The following NEK10 variants were observed in gnomAD, a reference collection of about 807,000 sequenced individuals.
NEK10 encodes the protein NIMA related kinase 10, also known as serine/threonine-protein kinase Nek10.
In NEK10, 122 loss-of-function variants were observed where a neutral mutation model predicts 159.8. The observed-to-expected ratio is 0.76, with a 90% CI of 0.66 to 0.89. The LOEUF is 0.89. Ranked by LOEUF, NEK10 falls within the 40% of genes least tolerant of loss-of-function variation. The pLI, the probability that NEK10 is intolerant of heterozygous loss-of-function variation, is 0.00. For synonymous variants in NEK10, 466 were observed against 457.1 expected (o/e 1.02, Z -0.25); for missense variants, 1,342 against 1,323.1 (o/e 1.01, Z -0.22).
intron 25 of NEK10, among the ~76,000 whole-genome samples, chr3:27,195,944 C>A (rs62255257): frequency 0.23 from 34,537 of 152,026 alleles, 4,253 homozygotes; most frequent in Middle Eastern, 0.38. Context: ...GGGTCAGAAG[C>A]ACTATCTTAT....
intron 23 of NEK10, among the ~76,000 whole-genome samples, chr3:27,234,037 T>G (rs1288759586): frequency 3.3e-5 from 5 of 152,076 alleles, no homozygotes; most frequent in Non-Finnish European, 7.4e-5. Flanking sequence ...TTATTCTCAA[T>G]AGATTCAGAA....
intron 31 of NEK10, among the ~76,000 whole-genome samples, chr3:27,137,582 T>C (rs985379924): frequency 6.6e-6 from 1 of 152,208 alleles, no homozygotes; most frequent in African/African-American, 2.4e-5. Flanking sequence ...AATATAGATA[T>C]GGCAGATTAT....
intron 23 of NEK10, among the ~76,000 whole-genome samples, chr3:27,251,314 C>G (rs1955641750): frequency 6.6e-6 from 1 of 152,186 alleles, no homozygotes; most frequent in Admixed American, 6.5e-5. Context: ...CTGCCCAAAT[C>G]TCATATTGAA....
At chr3:27,111,346 T>C in intron 35 of NEK10, 26 bp from the exon 36 acceptor site, 1 of 1,536,614 alleles carries the variant, frequency 6.5e-7, no homozygotes, top group Non-Finnish European at 8.8e-7. Context: ...GTGGAAAGAA[T>C]TCTCTATAGT....
At chr3:27,315,150 A>T (rs1033553605) in intron 6 of NEK10, among the ~76,000 whole-genome samples, 5 of 152,208 alleles carry the variant, frequency 3.3e-5, no homozygotes, top group Non-Finnish European at 7.3e-5. Context: ...CTGCTTAATT[A>T]CATCTGTATT....
intron 16 of NEK10, 24 bp from the exon 17 acceptor site, chr3:27,291,610 T>A: frequency 7.8e-7 from 1 of 1,287,580 alleles, no homozygotes; most frequent in Non-Finnish European, 1.1e-6. Context: ...TACACACACT[T>A]AAAGTAGAAC....
Position 27,110,906 on chromosome 3 carries a change from C to T in NEK10, c.*366G>A, listed in dbSNP as rs1358825635. ...TAGCAATTCTGAGTATCAAATGTGC[C>T]TTTGAAAAATATGACAAGTTTTTTT... is the stretch of plus-strand genomic sequence containing the variant. On this transcript the variant is annotated 3_prime_UTR_variant, in exon 36 of 36. Transcript: ENST00000691995. 1 of 170,168 alleles carries T rather than the reference C, an allele frequency of 5.9e-6. No individual in the cohort carries two copies. The highest frequency in any genetic ancestry group is 6.3e-5 in the Admixed American group (1 of 15,756). 10.5% of individuals were successfully genotyped at this position (170,168 alleles called of 1,614,324 possible).
chr3:27,297,311 C>T, intron 13 of NEK10, 71 bp from the exon 14 acceptor site: 1 of 971,576 alleles, frequency 1.0e-6, no homozygotes. Context: ...AATACTCTTA[C>T]TCCACAGGGT....
At chr3:27,142,062 T>TA (rs2125582838) in intron 30 of NEK10, among the ~76,000 whole-genome samples, 1 of 152,342 alleles carries the variant, frequency 6.6e-6, no homozygotes, top group South Asian at 2.1e-4. Context: ...AAAATTCTTT[T>TA]AGCTAGAATT....
chr3:27,281,351 A>G, intron 22 of NEK10, among the ~76,000 whole-genome samples: 1 of 152,120 alleles, frequency 6.6e-6, no homozygotes, highest in Non-Finnish European at 1.5e-5. Flanking sequence ...ACACGTGGCT[A>G]CAGACACATT....
chr3:27,350,380 A>C (rs1004942211), intron 3 of NEK10, among the ~76,000 whole-genome samples: 3 of 152,156 alleles, frequency 2.0e-5, no homozygotes, highest in Admixed American at 6.6e-5. Flanking sequence ...AGCAAAGTAT[A>C]AATAAGTGTA....
intron 30 of NEK10, among the ~76,000 whole-genome samples, chr3:27,155,424 C>T (rs980487088): frequency 3.3e-5 from 5 of 151,864 alleles, no homozygotes; most frequent in African/African-American, 1.2e-4. Context: ...ATCACTTGAA[C>T]CCGGGAGGCG....
At position 27,304,189 on chromosome 3, in the gene NEK10, T is replaced by G. The variant is rs1344386326; in HGVS notation, c.1028+558A>C. On this transcript the variant is annotated intron_variant, in intron 12 of 35. Transcript: ENST00000691995. Reference sequence around the variant, plus strand: ...CACCTTAGAGGACCGTAATGAAGATTAGAGAGAAAAGTAGAGAACTGGACT... The same window carrying G: ...CACCTTAGAGGACCGTAATGAAGATGAGAGAGAAAAGTAGAGAACTGGACT... Among the ~76,000 whole-genome samples the G allele has an allele frequency of 2.0e-5, 3 of 152,100 alleles. No homozygotes were observed. The East Asian group carries it at 5.8e-4, about 29-fold the overall frequency.
chr3:27,182,909 G>A (rs1948259658), intron 26 of NEK10, among the ~76,000 whole-genome samples: 1 of 152,012 alleles, frequency 6.6e-6, no homozygotes, highest in Non-Finnish European at 1.5e-5. Context: ...TGGAATAATG[G>A]TTACCAGAGG....
At chr3:27,348,120 A>G (rs2047699962) in intron 3 of NEK10, among the ~76,000 whole-genome samples, 1 of 152,216 alleles carries the variant, frequency 6.6e-6, no homozygotes, top group Non-Finnish European at 1.5e-5. Context: ...AATCCAAATG[A>G]TATCTAACAT....
intron 23 of NEK10, among the ~76,000 whole-genome samples, chr3:27,226,869 A>G (rs987432165): frequency 6.6e-6 from 1 of 152,182 alleles, no homozygotes. Flanking sequence ...CAATCCTAAA[A>G]TTACAGGTTA....
chr3:27,319,699 G>A (rs1165283700), intron 6 of NEK10, among the ~76,000 whole-genome samples: 1 of 152,072 alleles, frequency 6.6e-6, no homozygotes, highest in Non-Finnish European at 1.5e-5. Context: ...GGAAAGCCTT[G>A]GCCAGGAAGA....
intron 26 of NEK10, among the ~76,000 whole-genome samples, chr3:27,179,987 A>C (rs540202889): frequency 6.6e-6 from 1 of 152,268 alleles, no homozygotes; most frequent in East Asian, 1.9e-4. Flanking sequence ...AGGCTGAAGC[A>C]CGAGAATTGC....
chr3:27,214,111 A>C (rs1017556541), intron 23 of NEK10, among the ~76,000 whole-genome samples: 1 of 152,210 alleles, frequency 6.6e-6, no homozygotes, highest in African/African-American at 2.4e-5. Flanking sequence ...ATCAGTTTTA[A>C]CTAATCATCA....
Sources: gnomAD v4.1 joint callset for allele counts (sites outside exome capture counted in the v4.1 genomes callset) on GRCh38, gnomAD v4.1.1 for gene constraint, MANE v1.5 for transcripts, NCBI Gene and HGNC (gene_info 2026-07-23, HGNC 2026-07-21) for gene names.